Variants in IFT74 observed in about 807,000 individuals in gnomAD.
IFT74 encodes the protein intraflagellar transport 74, also known as intraflagellar transport protein 74 homolog.
IFT74 carries 92 observed loss-of-function variants against 96.7 expected under a neutral mutation model. The observed-to-expected ratio is 0.95, with a 90% confidence interval of 0.80 to 1.13. The LOEUF (loss-of-function observed/expected upper bound fraction) is 1.13, where lower values mean the gene tolerates loss of function less well. Among genes scored for constraint, IFT74 ranks in the 50% most tolerant of loss-of-function variants. The pLI is 0.00. For synonymous variants in IFT74, 223 were observed against 213.2 expected (o/e 1.05, Z -0.40); for missense variants, 811 against 698.2 (o/e 1.16, Z -1.82).
chr9:26,956,290 A>G (rs559093407), upstream of IFT74: 19 of 152,366 alleles, frequency 1.2e-4, no homozygotes, highest in Admixed American at 4.6e-4. Flanking sequence ...AGAAACAAAC[A>G]TATCCTCAAT....
intron 8 of IFT74, 74 bp from the exon 9 acceptor site, chr9:27,008,946 C>T: frequency 8.5e-7 from 1 of 1,183,184 alleles, no homozygotes; most frequent in Non-Finnish European, 1.2e-6. Flanking sequence ...AAATTAGGAC[C>T]ATGACTTGTA....
chr9:26,969,494 A>C (rs1262645648), intron 2 of IFT74, among the ~76,000 whole-genome samples: 1 of 151,594 alleles, frequency 6.6e-6, no homozygotes, highest in Non-Finnish European at 1.5e-5. Flanking sequence ...TAGTTGGATT[A>C]TGTTGTTGTT....
At chr9:27,014,800 G>C (rs1829266170) in intron 10 of IFT74, among the ~76,000 whole-genome samples, 1 of 152,074 alleles carries the variant, frequency 6.6e-6, no homozygotes, top group Non-Finnish European at 1.5e-5. Context: ...GTAGAGACAG[G>C]GTTTCACTGT....
intron 13 of IFT74, among the ~76,000 whole-genome samples, chr9:27,038,226 C>A (rs1410201410): frequency 6.6e-6 from 1 of 152,076 alleles, no homozygotes; most frequent in African/African-American, 2.4e-5. Context: ...AGGAGCTTCC[C>A]CATTATTGGT....
At chr9:26,982,741 C>T (rs1395923376) in intron 4 of IFT74, among the ~76,000 whole-genome samples, 3 of 151,868 alleles carry the variant, frequency 2.0e-5, no homozygotes, top group Admixed American at 1.3e-4. Context: ...AGGTGTGAGC[C>T]ACTGCACCTG....
At chr9:26,947,888 C>T (rs1267551112) in intron 1 of IFT74, among the ~76,000 whole-genome samples, 1 of 152,206 alleles carries the variant, frequency 6.6e-6, no homozygotes, top group East Asian at 1.9e-4. Flanking sequence ...AGCTGAGATA[C>T]GTATTTTTAA....
chr9:27,056,483 TG>T (rs1820164112), intron 18 of IFT74, 24 bp downstream of exon 18: 4 of 1,575,960 alleles, frequency 2.5e-6, no homozygotes, highest in Non-Finnish European at 3.4e-6. Context: ...TAAATGACTT[TG>T]AAATTGTCTT....
chr9:26,972,120 T>C (rs947135358), intron 2 of IFT74, among the ~76,000 whole-genome samples: 1 of 152,234 alleles, frequency 6.6e-6, no homozygotes, highest in South Asian at 2.1e-4. Flanking sequence ...TAAACATGTG[T>C]GCTCCCTTTT....
At chr9:26,948,902 G>C (rs1825850851) in intron 1 of IFT74, among the ~76,000 whole-genome samples, 1 of 151,810 alleles carries the variant, frequency 6.6e-6, no homozygotes, top group Non-Finnish European at 1.5e-5. Context: ...AACACATTAT[G>C]CTGTATGCTC....
At chr9:26,975,800 G>C (rs939152614) in intron 2 of IFT74, among the ~76,000 whole-genome samples, 2 of 152,104 alleles carry the variant, frequency 1.3e-5, no homozygotes, top group African/African-American at 4.8e-5. Context: ...TCAGTCCCTC[G>C]TATTAGAGAT....
At chr9:26,970,968 G>A (rs773947982) in intron 2 of IFT74, among the ~76,000 whole-genome samples, 1 of 152,186 alleles carries the variant, frequency 6.6e-6, no homozygotes, top group Non-Finnish European at 1.5e-5. Context: ...GGATGCCAAG[G>A]GATATGGTAT....
chr9:27,015,933 C>T (rs1329056843), intron 10 of IFT74, among the ~76,000 whole-genome samples: 1 of 152,122 alleles, frequency 6.6e-6, no homozygotes, highest in Non-Finnish European at 1.5e-5. Flanking sequence ...CAACACCATT[C>T]CTACCTTTTT....
chr9:27,001,007 A>G (rs774615377), intron 8 of IFT74, among the ~76,000 whole-genome samples: 6 of 152,056 alleles, frequency 3.9e-5, no homozygotes, highest in Non-Finnish European at 5.9e-5. Flanking sequence ...CTCTTAATCT[A>G]TATGAGGTCC....
At chr9:26,990,637 T>C (rs184358467) in intron 8 of IFT74, among the ~76,000 whole-genome samples, 1 of 152,218 alleles carries the variant, frequency 6.6e-6, no homozygotes, top group Non-Finnish European at 1.5e-5. Flanking sequence ...ATATAGATTG[T>C]ATGTGTGTCT....
intron 8 of IFT74, chr9:26,994,252 A>G (rs1402722725): frequency 1.3e-5 from 2 of 152,270 alleles, no homozygotes; most frequent in East Asian, 1.9e-4. Flanking sequence ...ATTGTAAAGA[A>G]TCTTGGCCAG....
At chr9:26,984,962 C>T (rs1827572398) in intron 6 of IFT74, among the ~76,000 whole-genome samples, 1 of 152,084 alleles carries the variant, frequency 6.6e-6, no homozygotes, top group South Asian at 2.1e-4. Flanking sequence ...TGGATGTATA[C>T]CCAAAGGAAT....
At chr9:27,050,829 A>G (rs1022005961) in intron 16 of IFT74, among the ~76,000 whole-genome samples, 1 of 152,060 alleles carries the variant, frequency 6.6e-6, no homozygotes, top group African/African-American at 2.4e-5. Context: ...GCACATGTAT[A>G]CATATGTAAC....
intron 11 of IFT74, 146 bp downstream of exon 11, chr9:27,017,196 T>G: frequency 2.1e-6 from 1 of 478,442 alleles, no homozygotes; most frequent in East Asian, 3.4e-5. Context: ...GACTTTTTAA[T>G]CTAGATTTTC....
chr9:26,995,457 A>C (rs958001780), intron 8 of IFT74: 14 of 943,950 alleles, frequency 1.5e-5, no homozygotes, highest in Admixed American at 1.4e-4. Flanking sequence ...TCACATAGCA[A>C]AATCTCCATA....
Sources: allele counts gnomAD v4.1 joint callset (sites outside exome capture counted in the v4.1 genomes callset), GRCh38; gene constraint gnomAD v4.1.1; transcripts MANE v1.5; gene names NCBI Gene and HGNC (gene_info 2026-07-23, HGNC 2026-07-21).